The following CD177 variants were observed in gnomAD, a reference collection of about 807,000 sequenced individuals.
CD177 encodes CD177 molecule.
CD177 carries 41 observed loss-of-function variants against 38.1 expected under a neutral mutation model. The observed-to-expected ratio is 1.07, with a 90% CI of 0.84 to 1.39. The LOEUF (loss-of-function observed/expected upper bound fraction) is 1.39. Ranked by LOEUF, CD177 falls within the 40% of genes most tolerant of loss-of-function variation. The probability of loss-of-function intolerance (pLI) is 0.00; values close to 1 mark genes in which losing one functional copy is unlikely to be tolerated. For missense variants in CD177, 619 were observed against 523.8 expected (o/e 1.18, Z -1.77); for synonymous variants, 236 against 216.7 (o/e 1.09, Z -0.78).
chr19:43,354,566 CCTCCCCACTCA>C, intron 3 of CD177, 174 bp downstream of exon 3: 2 of 671,266 alleles, frequency 3.0e-6, no homozygotes, highest in Non-Finnish European at 5.1e-6. Context: ...CCTTTCCATC[CCTCCCCACTCA>C]CTCCCGATCC....
At chr19:43,354,609 G>C in intron 3 of CD177, 1 of 600,992 alleles carries the variant, frequency 1.7e-6, no homozygotes, top group East Asian at 2.8e-5. Context: ...CTGCCACCCG[G>C]GAATCCCCGC....
At chr19:43,365,832 C>T (rs1332254740), downstream of CD177, among the ~76,000 whole-genome samples, 1 of 149,502 alleles carries the variant, frequency 6.7e-6, no homozygotes, top group African/African-American at 2.5e-5. Flanking sequence ...AGGACAGGTG[C>T]CATGGGAGCC....
chr19:43,354,747 A>G (rs544258912), intron 3 of CD177, among the ~76,000 whole-genome samples: 239 of 151,986 alleles, frequency 1.6e-3, no homozygotes, highest in African/African-American at 2.2e-3. Context: ...GGTTTTTGCT[A>G]TTTCCTCTTC....
At chr19:43,355,316 G>T (rs1410872759) in intron 3 of CD177, among the ~76,000 whole-genome samples, 3 of 151,076 alleles carry the variant, frequency 2.0e-5, no homozygotes, top group Admixed American at 6.6e-5. Flanking sequence ...GTTTCACTAT[G>T]TTGCCCAGGC....
chr19:43,364,142 C>G (rs143749396), downstream of CD177, among the ~76,000 whole-genome samples: 959 of 152,326 alleles, frequency 6.3e-3, 1 homozygote, highest in Non-Finnish European at 9.2e-3. Context: ...GTCCTTCCCT[C>G]TGTCACAGTA....
At chr19:43,354,494 C>T in intron 3 of CD177, 102 bp downstream of exon 3, 1 of 1,255,854 alleles carries the variant, frequency 8.0e-7, no homozygotes, top group Non-Finnish European at 1.1e-6. Context: ...CGCTCGCTAT[C>T]CCGACCCTCG....
intron 6 of CD177, 96 bp downstream of exon 6, chr19:43,360,501 T>C (rs1270312131): frequency 8.2e-7 from 1 of 1,220,888 alleles, no homozygotes; most frequent in African/African-American, 1.6e-5. Context: ...CCTGCTCAGC[T>C]CCCTTCACAT....
chr19:43,363,825 C>T (rs541070730), downstream of CD177, among the ~76,000 whole-genome samples: 13 of 152,296 alleles, frequency 8.5e-5, no homozygotes, highest in Admixed American at 2.0e-4. Flanking sequence ...CGGTGGCTCA[C>T]GCCTATAATG....
rs1193159932 is a variant in CD177, at chr19:43,363,144, CATAA to C, written c.*828_*831del. On this transcript the variant is annotated 3_prime_UTR_variant, in exon 9 of 9. Transcript: ENST00000618265. ...ACATCTAAACATAGAAAAGGTACAGCATAAATACACTATTGTCATCTCAGCAGAC... is the reference window on the plus strand; with the variant it reads ...ACATCTAAACATAGAAAAGGTACAGCATACACTATTGTCATCTCAGCAGAC... 4 of 152,162 alleles carry C rather than the reference CATAA, an allele frequency of 2.6e-5. No individual in the cohort carries two copies. The highest frequency in any genetic ancestry group is 4.4e-5 in the Non-Finnish European group (3 of 68,038). The allele number at this position is 152,162 out of a possible 1,614,324, so 9.4% of individuals were successfully genotyped here. A position where few individuals can be genotyped will look rare whatever the true frequency, so the allele number is the denominator to read the frequency against.
chr19:43,361,251 A>C lies in CD177; in HGVS notation c.869A>C (p.Tyr290Ser), dbSNP rs1969958641. The C allele has an allele frequency of 6.5e-7, 1 of 1,533,686 alleles. No homozygotes were observed. The highest frequency in any genetic ancestry group is 2.2e-5 in the East Asian group (1 of 44,696). Residue 290 changes from tyrosine to serine, a missense_variant, in exon 7 of 9, where the codon TAT becomes TCT. By Grantham distance (144) the Tyr-to-Ser change is moderately radical. Coordinates refer to ENST00000618265, the MANE Select transcript of CD177 (RefSeq NM_020406.4). ...SAPPGVLVASYTHFCSSDLCN... is the reference protein window; with the variant it reads ...SAPPGVLVASSTHFCSSDLCN... ...CCTCCTGGGGTGCTTGTGGCCTCCTATACCCACTTCTGCTCCTCGGACCTG... is the reference window on the plus strand; with the variant it reads ...CCTCCTGGGGTGCTTGTGGCCTCCTCTACCCACTTCTGCTCCTCGGACCTG...
Position 43,354,296 on chromosome 19 carries a change from C to T in CD177, c.283C>T (p.Leu95Phe). Reference protein sequence around the residue: ...RVTEHRMGPGLSLISYTFVCR... With the variant: ...RVTEHRMGPGFSLISYTFVCR... ...CACTGAGCACCGGATGGGCCCCGGCCTCTCCCTGATCTCCTACACCTTCGT... is the reference window on the plus strand; with the variant it reads ...CACTGAGCACCGGATGGGCCCCGGCTTCTCCCTGATCTCCTACACCTTCGT... Residue 95 changes from leucine to phenylalanine, a missense_variant, in exon 3 of 9, where the codon CTC becomes TTC. By Grantham distance (22) the Leu-to-Phe change is conservative. Transcript: ENST00000618265. 1 of 1,613,968 alleles carries T rather than the reference C, an allele frequency of 6.2e-7. No individual in the cohort carries two copies. The highest frequency in any genetic ancestry group is 8.5e-7 in the Non-Finnish European group (1 of 1,179,888).
Position 43,360,294 on chromosome 19 carries a change from A to G in CD177, c.649A>G (p.Ile217Val). 2 of 1,611,672 alleles carry G rather than the reference A, an allele frequency of 1.2e-6. No homozygotes were observed. The highest frequency in any genetic ancestry group is 2.2e-5 in the South Asian group (2 of 90,752). The change falls in exon 6 of 9, where the codon ATT becomes GTT. Residue 217 changes from isoleucine (I) to valine (V), a missense_variant. Transcript: ENST00000618265. The part of the protein sequence containing the change: ...DFLTCHRGTT[I>V]MTHGNLAQEP... ...TCTGACCTGTCATCGGGGGACCACC[A>G]TTATGACACACGGAAACTTGGCTCA...
chr19:43,360,426 G>C (rs761722647), intron 6 of CD177, 21 bp downstream of exon 6: 9 of 1,572,220 alleles, frequency 5.7e-6, no homozygotes, highest in Non-Finnish European at 6.9e-6. Context: ...TGAGGTAGAA[G>C]ACGAACACCT....
chr19:43,360,580 G>A (rs1352116237), intron 6 of CD177, 175 bp downstream of exon 6: 1 of 664,082 alleles, frequency 1.5e-6, no homozygotes, highest in Non-Finnish European at 2.5e-6. Context: ...TGGGGGTGAA[G>A]CAGTGGGAAT....
At chr19:43,355,930 C>G (rs896742383) in intron 4 of CD177, 62 bp from the exon 5 acceptor site, 4 of 1,037,372 alleles carry the variant, frequency 3.9e-6, no homozygotes, top group Non-Finnish European at 5.8e-6. Flanking sequence ...ATGCCTGCCT[C>G]TGAGGGTTGG....
rs1471189138 is a variant in CD177 at position 43,362,564 on chromosome 19, A to T, written c.*244A>T. 2.7e-6 allele frequency: 1 copy of T among 372,864 alleles called. No individual in the cohort carries two copies. The highest frequency in any genetic ancestry group is 4.4e-5 in the Admixed American group (1 of 22,582). The allele number at this position is 372,864 out of a possible 1,614,324, so 23.1% of individuals were successfully genotyped here. The stretch of plus-strand genomic sequence containing the variant: ...TGGCTGCATGTATCTGATAATACAG[A>T]CCCTGTCCTTTCTCCCAGTGCTGGG... On this transcript the variant is annotated 3_prime_UTR_variant, in exon 9 of 9. Transcript: ENST00000618265.
chr19:43,361,983 G>A, intron 8 of CD177, 105 bp from the exon 9 acceptor site: 1 of 920,882 alleles, frequency 1.1e-6, no homozygotes, highest in Non-Finnish European at 1.7e-6. Context: ...CTGGGGGTCT[G>A]GGCTCCTCGG....
downstream of CD177, among the ~76,000 whole-genome samples, chr19:43,363,758 C>T (rs1449170834): frequency 1.3e-5 from 2 of 152,086 alleles, no homozygotes; most frequent in Non-Finnish European, 2.9e-5. Context: ...ACTCCCTTGC[C>T]CCTCGGCATC....
At chr19:43,353,821 C>G in intron 1 of CD177, 32 bp from the exon 2 acceptor site, 1 of 1,613,880 alleles carries the variant, frequency 6.2e-7, no homozygotes, top group Non-Finnish European at 8.5e-7. Context: ...CAAGGGAACC[C>G]TGCTGAGATG....
Sources: allele counts gnomAD v4.1 joint callset (sites outside exome capture counted in the v4.1 genomes callset), GRCh38; gene constraint gnomAD v4.1.1; transcripts MANE v1.5; gene names NCBI Gene and HGNC (gene_info 2026-07-23, HGNC 2026-07-21).